Variants in CCNH observed in about 807,000 individuals in gnomAD.
CCNH encodes cyclin H, also known as cyclin-H.
CCNH carries 31 observed loss-of-function variants against 41.9 expected under a neutral mutation model. That is an observed-to-expected ratio of 0.74 (90% CI 0.56 to 1.00). The LOEUF (loss-of-function observed/expected upper bound fraction) is 1.00, where lower values mean the gene tolerates loss of function less well. Ranked by LOEUF, CCNH falls within the 50% of genes least tolerant of loss-of-function variation. The pLI is 0.00. For missense variants in CCNH, 362 were observed against 388.4 expected (o/e 0.93, Z 0.57); for synonymous variants, 138 against 136.1 (o/e 1.01, Z -0.10).
chr5:87,389,381 AT>A (rs775439567), downstream of CCNH: 5 of 1,613,982 alleles, frequency 3.1e-6, 1 homozygote, highest in South Asian at 5.5e-5. Flanking sequence ...CAATTTTACG[AT>A]TCCCTTAAAG....
chr5:87,403,794 C>A (rs545091445), intron 5 of CCNH, among the ~76,000 whole-genome samples: 1 of 152,140 alleles, frequency 6.6e-6, no homozygotes, highest in Admixed American at 6.5e-5. Flanking sequence ...AAAATAACCA[C>A]CCAACCCCCA....
intron 3 of CCNH, 141 bp downstream of exon 3, chr5:87,409,148 AT>A: frequency 4.6e-6 from 2 of 434,274 alleles, no homozygotes; most frequent in South Asian, 6.1e-5. Context: ...AAAAAAAAAA[AT>A]AGAATTCAAG....
At chr5:87,412,128 A>G (rs901870316) in intron 1 of CCNH, among the ~76,000 whole-genome samples, 1 of 152,148 alleles carries the variant, frequency 6.6e-6, no homozygotes, top group Non-Finnish European at 1.5e-5. Flanking sequence ...CCCATTTTAA[A>G]TATTTCAAAG....
rs557799713 is a variant in CCNH at position 87,337,918 on chromosome 5, C to G, written c.*91-19021G>C. On this transcript the variant is annotated intron_variant and NMD_transcript_variant, in intron 9 of 9. Coordinates refer to the CCNH transcript ENST00000645953. ...TCCTATTTTGTGGTATATGACTATT[C>G]TAATCTCTGTATTTAAAATTTTTAA... The G allele has an allele frequency of 8.0e-6, 12 of 1,505,476 alleles. No homozygotes were observed. In the Admixed American group the frequency reaches 1.0e-4, roughly 13 times the overall value. The allele number at this position is 1,505,476 out of a possible 1,614,324, so 93.3% of individuals were successfully genotyped here.
chr5:87,374,536 TAACA>T (rs1281873645), downstream of CCNH, among the ~76,000 whole-genome samples: 2 of 150,718 alleles, frequency 1.3e-5, no homozygotes, highest in Non-Finnish European at 3.0e-5. Context: ...ACTTAGTTAT[TAACA>T]TGAATTAGCA....
intron 9 of CCNH, chr5:87,337,855 T>C (rs1250047200): frequency 9.0e-7 from 1 of 1,107,436 alleles, no homozygotes; most frequent in Non-Finnish European, 1.2e-6. Context: ...GGTGTTTGAC[T>C]CTAATTCCTT....
chr5:87,325,440 T>G (rs185201649), intron 9 of CCNH, among the ~76,000 whole-genome samples: 370 of 152,340 alleles, frequency 2.4e-3, no homozygotes, highest in Non-Finnish European at 3.8e-3. Flanking sequence ...GCATACCAAC[T>G]TGAAATCACC....
At chr5:87,401,008 T>C (rs1001834095) in intron 6 of CCNH, among the ~76,000 whole-genome samples, 4 of 152,212 alleles carry the variant, frequency 2.6e-5, no homozygotes, top group African/African-American at 9.6e-5. Context: ...GCTGTATTAG[T>C]TTCCTGACAT....
rs528900703 is a variant in CCNH, at chr5:87,370,899, G to C, written c.*90+21871C>G. On this transcript the variant is annotated intron_variant and NMD_transcript_variant, in intron 9 of 9. Coordinates refer to the CCNH transcript ENST00000645953. The stretch of plus-strand genomic sequence containing the variant: ...AACCTGAATGAGCTTACAACTGAAC[G>C]TCATATTTCACATCTTTATCAAATA... 2.0e-5 allele frequency among the ~76,000 whole-genome samples: 3 copies of C among 152,118 alleles called. No individual in the cohort carries two copies. The East Asian group carries it at 5.8e-4, about 29-fold the overall frequency.
upstream of CCNH, chr5:87,380,605 A>G (rs761091793): frequency 3.1e-6 from 5 of 1,598,404 alleles, no homozygotes; most frequent in Non-Finnish European, 4.3e-6. Context: ...GGTAAGGCTC[A>G]TCAATTGATT....
At chr5:87,322,838 AG>A (rs1376920520) in intron 9 of CCNH, among the ~76,000 whole-genome samples, 1 of 152,258 alleles carries the variant, frequency 6.6e-6, no homozygotes, top group Non-Finnish European at 1.5e-5. Flanking sequence ...CACCACAAGA[AG>A]GAATCAAAGT....
chr5:87,394,754 G>A (rs1762787033), intron 8 of CCNH: 2 of 1,333,136 alleles, frequency 1.5e-6, no homozygotes, highest in South Asian at 4.6e-5. Flanking sequence ...TTTAAAAGGG[G>A]GTAAGGGAAA....
downstream of CCNH, among the ~76,000 whole-genome samples, chr5:87,389,771 T>C (rs1244473166): frequency 6.6e-6 from 1 of 152,208 alleles, no homozygotes; most frequent in Non-Finnish European, 1.5e-5. Flanking sequence ...TGGAAAACAG[T>C]GTAATAACAC....
intron 9 of CCNH, among the ~76,000 whole-genome samples, chr5:87,338,886 T>G (rs1758235298): frequency 6.6e-6 from 1 of 152,122 alleles, no homozygotes; most frequent in African/African-American, 2.4e-5. Flanking sequence ...ATCTCGTCCT[T>G]GTTTTTGTTT....
At chr5:87,409,967 G>A (rs1764100143) in intron 2 of CCNH, among the ~76,000 whole-genome samples, 1 of 152,128 alleles carries the variant, frequency 6.6e-6, no homozygotes, top group African/African-American at 2.4e-5. Context: ...ACAGCTTGGT[G>A]AAGTATTACT....
downstream of CCNH, chr5:87,386,823 C>T (rs1254539286): frequency 6.2e-7 from 1 of 1,611,884 alleles, no homozygotes; most frequent in Admixed American, 1.7e-5. Flanking sequence ...TTTTATTTTT[C>T]AGGAGCCCTA....
downstream of CCNH, among the ~76,000 whole-genome samples, chr5:87,373,778 A>G (rs1000424382): frequency 1.3e-5 from 2 of 152,198 alleles, no homozygotes; most frequent in South Asian, 4.1e-4. Flanking sequence ...TAAGTATTAT[A>G]TAACATACGG....
rs3093851 is a variant in CCNH, at chr5:87,395,151, A to G, written c.873-47T>C. On this transcript the variant is annotated intron_variant, in intron 7 of 8. Coordinates refer to ENST00000256897, the MANE Select transcript of CCNH (RefSeq NM_001239.4). The stretch of plus-strand genomic sequence containing the variant: ...TAAGCAATCCAATACCAGCCACAGA[A>G]ACTATAAAATGTAAAATAAACTAGC... The G allele has an allele frequency of 6.1e-4, 953 of 1,551,830 alleles. 4 individuals are homozygous for G. The Middle Eastern group carries it at 0.017, about 28-fold the overall frequency.
At chr5:87,326,859 TGC>T (rs1757267935) in intron 9 of CCNH, among the ~76,000 whole-genome samples, 1 of 152,212 alleles carries the variant, frequency 6.6e-6, no homozygotes, top group African/African-American at 2.4e-5. Flanking sequence ...CTAAAATTAA[TGC>T]CTTAGTAGAA....
Sources: gnomAD v4.1 joint callset for allele counts (sites outside exome capture counted in the v4.1 genomes callset) on GRCh38, gnomAD v4.1.1 for gene constraint, MANE v1.5 for transcripts, NCBI Gene and HGNC (gene_info 2026-07-23, HGNC 2026-07-21) for gene names.